HECW1: variants seen among roughly 807,000 people sequenced by gnomAD.
The protein encoded by HECW1 is E3 ubiquitin-protein ligase HECW1.
Under a neutral mutation model 182.3 loss-of-function variants are expected in HECW1, and 61 were observed. The ratio of observed to expected loss-of-function variants is 0.33; its 90% CI spans 0.27 to 0.41. HECW1 has a LOEUF of 0.41. HECW1 is among the 10% of genes least tolerant of loss of function. HECW1 has a pLI of 1.00. For missense variants in HECW1, 1,739 were observed against 2,108.9 expected (o/e 0.82, Z 3.44); for synonymous variants, 859 against 832.6 (o/e 1.03, Z -0.55).
chr7:43,494,127 A>T (rs925318781), intron 19 of HECW1, among the ~76,000 whole-genome samples: 1 of 152,160 alleles, frequency 6.6e-6, no homozygotes, highest in Admixed American at 6.5e-5. Flanking sequence ...CACTCCCGCC[A>T]GAATGGATCA....
intron 2 of HECW1, among the ~76,000 whole-genome samples, chr7:43,214,207 A>C (rs1302031014): frequency 6.6e-6 from 1 of 151,176 alleles, no homozygotes; most frequent in African/African-American, 2.4e-5. Context: ...TTTCAAATAC[A>C]TTTTTTTGTT....
chr7:43,210,302 A>T (rs1795892038), intron 2 of HECW1, among the ~76,000 whole-genome samples: 1 of 152,032 alleles, frequency 6.6e-6, no homozygotes, highest in Non-Finnish European at 1.5e-5. Context: ...GTGCATTGTG[A>T]TGAGGTGAGA....
intron 2 of HECW1, among the ~76,000 whole-genome samples, chr7:43,235,978 C>T (rs1798298032): frequency 6.6e-6 from 1 of 152,104 alleles, no homozygotes; most frequent in Non-Finnish European, 1.5e-5. Context: ...CACTTGAGCC[C>T]AGGAGTTTGA....
intron 24 of HECW1, among the ~76,000 whole-genome samples, chr7:43,539,618 G>A (rs1222099877): frequency 6.6e-6 from 1 of 152,092 alleles, no homozygotes; most frequent in Non-Finnish European, 1.5e-5. Context: ...TTTACTACCT[G>A]CTTTGATTCC....
intron 2 of HECW1, among the ~76,000 whole-genome samples, chr7:43,184,540 ACGTCCCTAGATAG>A (rs1192934315): frequency 6.6e-6 from 1 of 152,178 alleles, no homozygotes; most frequent in East Asian, 1.9e-4. Context: ...TGGTGGCTGG[ACGTCCCTAGATAG>A]CTTCAGGATA....
chr7:43,449,915 C>CCA (rs2077178183), intron 11 of HECW1, among the ~76,000 whole-genome samples: 2 of 152,208 alleles, frequency 1.3e-5, no homozygotes, highest in African/African-American at 4.8e-5. Context: ...GCTCTACATG[C>CCA]CTGAGGACAC....
chr7:43,295,636 T>C (rs1805951352), intron 3 of HECW1, among the ~76,000 whole-genome samples: 1 of 149,394 alleles, frequency 6.7e-6, no homozygotes. Flanking sequence ...AGGGGAGGAG[T>C]GGTGGAGGAG....
intron 2 of HECW1, among the ~76,000 whole-genome samples, chr7:43,124,288 T>G (rs1785952655): frequency 6.6e-6 from 1 of 152,252 alleles, no homozygotes; most frequent in African/African-American, 2.4e-5. Flanking sequence ...TGGTATAAAT[T>G]CGCAAATAGC....
At chr7:43,418,129 G>A (rs1364863012) in intron 8 of HECW1, among the ~76,000 whole-genome samples, 1 of 152,118 alleles carries the variant, frequency 6.6e-6, no homozygotes, top group African/African-American at 2.4e-5. Flanking sequence ...TGTTCTCCCT[G>A]TGTGTCTCTG....
chr7:43,372,962 A>C (rs1426496044), intron 6 of HECW1, among the ~76,000 whole-genome samples: 1 of 152,222 alleles, frequency 6.6e-6, no homozygotes, highest in East Asian at 1.9e-4. Flanking sequence ...AATGATAAAC[A>C]GAAAAGACAA....
At chr7:43,375,483 GC>G (rs1419479675) in intron 6 of HECW1, among the ~76,000 whole-genome samples, 2 of 152,288 alleles carry the variant, frequency 1.3e-5, no homozygotes, top group African/African-American at 4.8e-5. Flanking sequence ...AAAGAGATAT[GC>G]TGAAATGATT....
chr7:43,528,125 A>G (rs1190418049), intron 24 of HECW1, among the ~76,000 whole-genome samples: 2 of 152,238 alleles, frequency 1.3e-5, no homozygotes, highest in African/African-American at 4.8e-5. Flanking sequence ...GCTTGCCTGG[A>G]TAACTAAATG....
chr7:43,149,221 A>G (rs1479068997), intron 2 of HECW1, among the ~76,000 whole-genome samples: 1 of 152,206 alleles, frequency 6.6e-6, no homozygotes, highest in African/African-American at 2.4e-5. Flanking sequence ...CATGTGATCA[A>G]AGTCAATTAT....
intron 2 of HECW1, among the ~76,000 whole-genome samples, chr7:43,125,041 G>A (rs1168790828): frequency 6.6e-6 from 1 of 152,160 alleles, no homozygotes. Context: ...ATCCAACCCA[G>A]TGTGGTCGGG....
intron 24 of HECW1, among the ~76,000 whole-genome samples, chr7:43,513,656 GA>G (rs58684658): frequency 0.03 from 4,512 of 150,238 alleles, 82 homozygotes; most frequent in South Asian, 0.1. Context: ...AAGTAAGCTG[GA>G]AAAAAAAACT....
chr7:43,177,586 C>T (rs1395604964), intron 2 of HECW1, among the ~76,000 whole-genome samples: 3 of 152,242 alleles, frequency 2.0e-5, no homozygotes, highest in African/African-American at 7.2e-5. Flanking sequence ...ACAACTTGAA[C>T]TCTAGCCCTG....
chr7:43,221,610 G>A (rs6968479), intron 2 of HECW1, among the ~76,000 whole-genome samples: 30,501 of 128,732 alleles, frequency 0.24, 3,702 homozygotes, highest in Non-Finnish European at 0.27. Context: ...CTGGAGTGCA[G>A]TGGCGCTATC....
At chr7:43,449,310 A>G (rs1261245891) in intron 11 of HECW1, among the ~76,000 whole-genome samples, 1 of 152,232 alleles carries the variant, frequency 6.6e-6, no homozygotes, top group Non-Finnish European at 1.5e-5. Flanking sequence ...GGGTGCCGGC[A>G]TGAGGGGAAC....
chr7:43,317,919 C>T (rs1370002441), intron 4 of HECW1, among the ~76,000 whole-genome samples: 1 of 150,954 alleles, frequency 6.6e-6, no homozygotes, highest in African/African-American at 2.4e-5. Context: ...ATTCATGTTC[C>T]TGTGGTTCCT....
Sources: gnomAD v4.1 joint callset for allele counts (sites outside exome capture counted in the v4.1 genomes callset) on GRCh38, gnomAD v4.1.1 for gene constraint, MANE v1.5 for transcripts, NCBI Gene and HGNC (gene_info 2026-07-23, HGNC 2026-07-21) for gene names.